Variants in CDH18 observed in about 807,000 individuals in gnomAD.
The protein encoded by CDH18 is cadherin-18.
A neutral mutation model predicts 67.9 loss-of-function variants in CDH18; 31 were observed. The observed-to-expected ratio is 0.46, with a 90% CI of 0.34 to 0.62. CDH18 has a LOEUF of 0.62. Ranked by LOEUF, CDH18 falls within the 20% of genes least tolerant of loss-of-function variation. The pLI is 0.01. For synonymous variants in CDH18, 362 were observed against 347.2 expected (o/e 1.04, Z -0.48); for missense variants, 890 against 975.5 (o/e 0.91, Z 1.17).
chr5:19,506,581 A>G (rs955974887), intron 10 of CDH18, among the ~76,000 whole-genome samples: 4 of 152,194 alleles, frequency 2.6e-5, no homozygotes, highest in African/African-American at 9.7e-5. Flanking sequence ...ATAGAACAGA[A>G]CAGAGCCCTC....
At chr5:19,886,443 T>A (rs1788212056) in intron 2 of CDH18, among the ~76,000 whole-genome samples, 1 of 152,126 alleles carries the variant, frequency 6.6e-6, no homozygotes, top group Non-Finnish European at 1.5e-5. Context: ...AGGCAATTAT[T>A]TCAGTTGCCA....
intron 3 of CDH18, among the ~76,000 whole-genome samples, chr5:19,827,968 AC>A (rs1780586180): frequency 6.6e-6 from 1 of 152,164 alleles, no homozygotes; most frequent in East Asian, 1.9e-4. Flanking sequence ...AGATTGATAG[AC>A]TTGTAGCTAG....
intron 5 of CDH18, among the ~76,000 whole-genome samples, chr5:19,640,474 A>G (rs1432044359): frequency 1.3e-5 from 2 of 152,122 alleles, no homozygotes; most frequent in Non-Finnish European, 2.9e-5. Flanking sequence ...GATAAAGAGA[A>G]AAGAATCAAA....
intron 1 of CDH18, among the ~76,000 whole-genome samples, chr5:20,412,968 G>A (rs939872488): frequency 4.6e-5 from 7 of 151,808 alleles, no homozygotes; most frequent in South Asian, 2.1e-4. Context: ...CCCAATCCCC[G>A]CACCCCACGA....
chr5:20,482,132 A>C (rs1290650703), intron 1 of CDH18, among the ~76,000 whole-genome samples: 1 of 152,016 alleles, frequency 6.6e-6, no homozygotes, highest in East Asian at 1.9e-4. Flanking sequence ...AGAAATTCAA[A>C]AGATCATTAG....
intron 1 of CDH18, among the ~76,000 whole-genome samples, chr5:20,266,720 G>A (rs1447837753): frequency 6.6e-6 from 1 of 151,546 alleles, no homozygotes; most frequent in Non-Finnish European, 1.5e-5. Context: ...GAGTCACTGT[G>A]CCCGGCCTTG....
At chr5:20,263,825 T>A (rs565556418) in intron 1 of CDH18, among the ~76,000 whole-genome samples, 2 of 152,234 alleles carry the variant, frequency 1.3e-5, no homozygotes, top group South Asian at 4.1e-4. Flanking sequence ...GCCTCCCTTT[T>A]CAACTACATG....
intron 2 of CDH18, among the ~76,000 whole-genome samples, chr5:20,008,241 A>C (rs72743007): frequency 0.081 from 12,312 of 152,178 alleles, 686 homozygotes; most frequent in Non-Finnish European, 0.12. Flanking sequence ...TATAAAAAAA[A>C]CATATACATG....
intron 2 of CDH18, among the ~76,000 whole-genome samples, chr5:19,883,512 C>G (rs1787885101): frequency 6.6e-6 from 1 of 150,380 alleles, no homozygotes; most frequent in Admixed American, 6.6e-5. Flanking sequence ...CCTTTCATCT[C>G]TAATGATTTA....
intron 1 of CDH18, among the ~76,000 whole-genome samples, chr5:20,324,108 G>A (rs1378547197): frequency 2.6e-5 from 4 of 152,078 alleles, no homozygotes; most frequent in Non-Finnish European, 5.9e-5. Flanking sequence ...ATACTACATC[G>A]ATTTAAAAGG....
chr5:20,352,686 G>A (rs939312942), intron 1 of CDH18, among the ~76,000 whole-genome samples: 1 of 151,318 alleles, frequency 6.6e-6, no homozygotes, highest in Non-Finnish European at 1.5e-5. Context: ...CCCAGCTATC[G>A]GGAGGCTGAG....
intron 2 of CDH18, among the ~76,000 whole-genome samples, chr5:20,010,159 G>GT (rs1737290938): frequency 1.4e-5 from 2 of 146,296 alleles, no homozygotes; most frequent in Non-Finnish European, 3.0e-5. Flanking sequence ...AGTGGAAAGT[G>GT]GTGTGTGTGT....
At chr5:19,683,933 G>C (rs1760698090) in intron 5 of CDH18, among the ~76,000 whole-genome samples, 1 of 152,118 alleles carries the variant, frequency 6.6e-6, no homozygotes, top group South Asian at 2.1e-4. Flanking sequence ...ATGCCTGTAG[G>C]TCAACTAGAC....
chr5:19,857,125 A>G (rs559900512), intron 2 of CDH18, among the ~76,000 whole-genome samples: 6 of 152,170 alleles, frequency 3.9e-5, no homozygotes, highest in African/African-American at 1.4e-4. Context: ...ACTTGGGACC[A>G]AGGCTGAGGC....
At chr5:20,564,856 A>G (rs1223453138) in intron 1 of CDH18, among the ~76,000 whole-genome samples, 1 of 152,178 alleles carries the variant, frequency 6.6e-6, no homozygotes, top group East Asian at 1.9e-4. Flanking sequence ...TTCAGGAAGT[A>G]AGGAAAGAAT....
At chr5:20,203,564 T>C (rs193256550) in intron 2 of CDH18, among the ~76,000 whole-genome samples, 1 of 130,738 alleles carries the variant, frequency 7.6e-6, no homozygotes, top group Non-Finnish European at 1.6e-5. Flanking sequence ...AAGGAGGCAG[T>C]GACCTAGTGG....
chr5:19,540,575 A>C (rs1036584390), intron 9 of CDH18, among the ~76,000 whole-genome samples: 4 of 152,200 alleles, frequency 2.6e-5, no homozygotes, highest in African/African-American at 9.6e-5. Context: ...GTTTCCATAC[A>C]TTCTCTGAAA....
At chr5:20,294,748 G>A (rs1223739398) in intron 1 of CDH18, among the ~76,000 whole-genome samples, 1 of 152,050 alleles carries the variant, frequency 6.6e-6, no homozygotes, top group African/African-American at 2.4e-5. Context: ...GTGTAGCATG[G>A]TTTACAAAAT....
At chr5:20,458,496 T>C (rs1750995941) in intron 1 of CDH18, among the ~76,000 whole-genome samples, 1 of 152,044 alleles carries the variant, frequency 6.6e-6, no homozygotes, top group Admixed American at 6.5e-5. Flanking sequence ...CACGTGCCTG[T>C]AGACCTAGCT....
Sources: allele counts gnomAD v4.1 joint callset (sites outside exome capture counted in the v4.1 genomes callset), GRCh38; gene constraint gnomAD v4.1.1; transcripts MANE v1.5; gene names NCBI Gene and HGNC (gene_info 2026-07-23, HGNC 2026-07-21).